The following SLC12A8 variants were observed in gnomAD, a reference collection of about 807,000 sequenced individuals.
The protein encoded by SLC12A8 is cation-chloride cotransporter 9.
In SLC12A8, 69 loss-of-function variants were observed where a neutral mutation model predicts 75.6. That is an observed-to-expected ratio of 0.91 (90% CI 0.75 to 1.11). SLC12A8 has a LOEUF of 1.11. SLC12A8 is among the 50% of genes most tolerant of loss of function. The pLI is 0.00. For synonymous variants in SLC12A8, 365 were observed against 372.8 expected, an observed-to-expected ratio of 0.98 and a Z score of 0.24; for missense variants, 877 against 896.7, an observed-to-expected ratio of 0.98 and a Z score of 0.28.
intron 8 of SLC12A8, among the ~76,000 whole-genome samples, chr3:125,116,975 T>A (rs1439723919): frequency 6.6e-6 from 1 of 152,198 alleles, no homozygotes; most frequent in Admixed American, 6.5e-5. Flanking sequence ...TATAGATTCC[T>A]GCCCTGAGAG....
intron 5 of SLC12A8, among the ~76,000 whole-genome samples, chr3:125,161,544 C>A (rs1934168310): frequency 6.6e-6 from 1 of 152,186 alleles, no homozygotes; most frequent in African/African-American, 2.4e-5. Flanking sequence ...GATCCCTGGT[C>A]TTTCTCTCAA....
At chr3:125,131,369 G>T (rs1482947608) in intron 6 of SLC12A8, among the ~76,000 whole-genome samples, 1 of 152,062 alleles carries the variant, frequency 6.6e-6, no homozygotes, top group African/African-American at 2.4e-5. Context: ...TACAAATGCA[G>T]AATCAAAAAT....
intron 8 of SLC12A8, among the ~76,000 whole-genome samples, chr3:125,116,453 T>TA (rs1939313808): frequency 6.6e-6 from 1 of 152,220 alleles, no homozygotes; most frequent in Admixed American, 6.5e-5. Flanking sequence ...AGTGCTTGCC[T>TA]ACCTGCTCAT....
intron 5 of SLC12A8, among the ~76,000 whole-genome samples, chr3:125,136,627 T>C (rs1933502381): frequency 6.6e-6 from 1 of 152,218 alleles, no homozygotes; most frequent in African/African-American, 2.4e-5. Flanking sequence ...AACCTTTCTC[T>C]TAGATCTCTC....
intron 10 of SLC12A8, among the ~76,000 whole-genome samples, chr3:125,100,382 TAATA>T (rs917779201): frequency 2.6e-5 from 4 of 152,014 alleles, no homozygotes; most frequent in African/African-American, 9.7e-5. Context: ...TTTTATAGCT[TAATA>T]GATATGCAAT....
chr3:125,107,496 CTGAT>C lies in SLC12A8; in HGVS notation c.1686_1689del (p.Glu564ProfsTer8). 1.9e-6 allele frequency: 3 copies of C among 1,608,546 alleles called. No homozygotes were observed. The highest frequency in any genetic ancestry group is 2.6e-6 in the Non-Finnish European group (3 of 1,175,424). On this transcript the variant is annotated frameshift_variant, in exon 10 of 14. Transcript: ENST00000469902. LOFTEE classifies it high-confidence loss of function. Reference sequence around the variant, plus strand: ...GAGCACTCACCTTCTCCACTGGACTCTGATTGGTTGCACAGCTCAGGAACAAGTT... The same window carrying C: ...GAGCACTCACCTTCTCCACTGGACTCTGGTTGCACAGCTCAGGAACAAGTT...
chr3:125,201,311 G>A (rs1341957289), intron 2 of SLC12A8, among the ~76,000 whole-genome samples: 1 of 152,072 alleles, frequency 6.6e-6, no homozygotes, highest in Non-Finnish European at 1.5e-5. Context: ...GCTGAGGTGG[G>A]AGGATCCCTT....
chr3:125,118,486 C>T (rs985325586), intron 8 of SLC12A8, among the ~76,000 whole-genome samples: 1 of 152,022 alleles, frequency 6.6e-6, no homozygotes, highest in Non-Finnish European at 1.5e-5. Flanking sequence ...AAAATTAGCC[C>T]AGCATGAGGG....
chr3:125,187,337 T>A lies in SLC12A8; in HGVS notation c.290A>T (p.Glu97Val). The change falls in exon 4 of 14, where the codon GAG (glutamate) becomes GTG (valine). Residue 97 changes from glutamate to valine, a missense_variant. Transcript: ENST00000469902. ...VTVLSGIGVG[E>V]RSSIGSGGVY... ...GCCACCGCTGCCGATGCTGCTGCGC[T>A]CCCCGACGCCAATGCCAGACAGCAC... is the stretch of plus-strand genomic sequence containing the variant. The A allele has an allele frequency of 6.2e-7, 1 of 1,614,020 alleles. No homozygotes were observed. Among genetic ancestry groups the A allele is most frequent in the Non-Finnish European group, 8.5e-7 (1 of 1,180,026 alleles).
chr3:125,128,809 A>C (rs1475131293), intron 6 of SLC12A8, among the ~76,000 whole-genome samples: 1 of 152,174 alleles, frequency 6.6e-6, no homozygotes, highest in Non-Finnish European at 1.5e-5. Flanking sequence ...CACAAGACAC[A>C]TAACTTGTGA....
chr3:125,181,114 ACTT>A (rs1934648193), intron 4 of SLC12A8, among the ~76,000 whole-genome samples: 1 of 152,236 alleles, frequency 6.6e-6, no homozygotes, highest in Non-Finnish European at 1.5e-5. Context: ...GCATAGTAGA[ACTT>A]CCAAATCAAC....
At chr3:125,208,596 G>A (rs1370471470) in intron 2 of SLC12A8, among the ~76,000 whole-genome samples, 4 of 151,890 alleles carry the variant, frequency 2.6e-5, no homozygotes, top group Non-Finnish European at 4.4e-5. Context: ...GTGAGGAAAC[G>A]GAGGCTTAGT....
intron 5 of SLC12A8, among the ~76,000 whole-genome samples, chr3:125,161,198 C>T (rs1441302628): frequency 2.6e-5 from 4 of 152,220 alleles, no homozygotes; most frequent in African/African-American, 9.6e-5. Flanking sequence ...AGACAATTGG[C>T]AGGTGCCCAG....
chr3:125,197,127 A>T (rs2087518652), intron 2 of SLC12A8, among the ~76,000 whole-genome samples: 1 of 152,218 alleles, frequency 6.6e-6, no homozygotes, highest in Admixed American at 6.5e-5. Flanking sequence ...GGAAGTGCTA[A>T]AAAGAAAAAA....
chr3:125,183,619 A>C (rs971138750), intron 4 of SLC12A8, among the ~76,000 whole-genome samples: 3 of 151,788 alleles, frequency 2.0e-5, no homozygotes, highest in African/African-American at 7.3e-5. Context: ...CATAACAAAA[A>C]CTCCAGGCCT....
intron 6 of SLC12A8, chr3:125,121,003 C>T (rs375378526): frequency 7.7e-6 from 5 of 649,510 alleles, no homozygotes; most frequent in East Asian, 2.7e-5. Context: ...AGAGGTCCTG[C>T]GCTGCCTGCT....
At chr3:125,194,940 C>G (rs145993761) in intron 2 of SLC12A8, among the ~76,000 whole-genome samples, 1 of 152,380 alleles carries the variant, frequency 6.6e-6, no homozygotes, top group South Asian at 2.1e-4. Flanking sequence ...GCCTCTGAAC[C>G]GGCCCCATGT....
At chr3:125,198,780 AT>A (rs111474323) in intron 2 of SLC12A8, among the ~76,000 whole-genome samples, 71,454 of 141,606 alleles carry the variant, frequency 0.5, 17,790 homozygotes, top group Non-Finnish European at 0.55. Context: ...AGACAATAGG[AT>A]TTTTTTTTTT....
intron 10 of SLC12A8, among the ~76,000 whole-genome samples, chr3:125,101,045 GATTTA>G (rs1938862594): frequency 7.5e-6 from 1 of 133,462 alleles, no homozygotes; most frequent in East Asian, 2.3e-4. Context: ...AAAAAAAGAT[GATTTA>G]ATTTGTGTTC....
Sources: allele counts gnomAD v4.1 joint callset (sites outside exome capture counted in the v4.1 genomes callset), GRCh38; gene constraint gnomAD v4.1.1; transcripts MANE v1.5; gene names NCBI Gene and HGNC (gene_info 2026-07-23, HGNC 2026-07-21).